The following ITGA9 variants were observed in gnomAD, a reference collection of about 807,000 sequenced individuals.
The protein encoded by ITGA9 is integrin alpha-9.
Under a neutral mutation model 127.8 loss-of-function variants are expected in ITGA9, and 56 were observed. That is an observed-to-expected ratio of 0.44 (90% CI 0.35 to 0.55). The LOEUF (loss-of-function observed/expected upper bound fraction) is 0.55. Among genes scored for constraint, ITGA9 ranks in the 20% least tolerant of loss-of-function variants. The pLI, the probability that ITGA9 is intolerant of heterozygous loss-of-function variation, is 0.00. For missense variants in ITGA9, 1,196 were observed against 1,347.1 expected (o/e 0.89, Z 1.76); for synonymous variants, 508 against 514.5 (o/e 0.99, Z 0.17).
chr3:37,635,382 T>C (rs1276228519), intron 16 of ITGA9, among the ~76,000 whole-genome samples: 2 of 152,126 alleles, frequency 1.3e-5, no homozygotes, highest in African/African-American at 4.8e-5. Flanking sequence ...ATAAGATAAG[T>C]TTTCTTAATA....
chr3:37,684,329 C>T (rs1401360829), intron 18 of ITGA9, among the ~76,000 whole-genome samples: 1 of 152,166 alleles, frequency 6.6e-6, no homozygotes, highest in African/African-American at 2.4e-5. Flanking sequence ...GTTGCTGTCT[C>T]CAGCACACAC....
intron 4 of ITGA9, among the ~76,000 whole-genome samples, chr3:37,481,826 C>T (rs912033787): frequency 6.6e-6 from 1 of 152,212 alleles, no homozygotes; most frequent in African/African-American, 2.4e-5. Context: ...TTCCAACCCT[C>T]ACCTGACTTG....
intron 15 of ITGA9, among the ~76,000 whole-genome samples, chr3:37,579,271 T>C (rs1699680953): frequency 6.6e-6 from 1 of 152,228 alleles, no homozygotes; most frequent in Non-Finnish European, 1.5e-5. Flanking sequence ...TAATTCAGCA[T>C]TGGTATGGTG....
chr3:37,652,449 C>G (rs952128428), intron 16 of ITGA9, among the ~76,000 whole-genome samples: 1 of 152,136 alleles, frequency 6.6e-6, no homozygotes, highest in African/African-American at 2.4e-5. Flanking sequence ...CTCTTTTTTC[C>G]CAAGACTTCC....
At chr3:37,771,973 T>C (rs368076613) in intron 23 of ITGA9, among the ~76,000 whole-genome samples, 3 of 151,928 alleles carry the variant, frequency 2.0e-5, no homozygotes, top group African/African-American at 7.3e-5. Flanking sequence ...ACCTAAGAGG[T>C]AGTGCAGGAA....
At chr3:37,518,334 G>A (rs1699008507) in intron 10 of ITGA9, among the ~76,000 whole-genome samples, 1 of 152,210 alleles carries the variant, frequency 6.6e-6, no homozygotes, top group South Asian at 2.1e-4. Context: ...CCATCCAGAC[G>A]TCTTTGATAC....
intron 4 of ITGA9, among the ~76,000 whole-genome samples, chr3:37,486,923 T>A (rs1698615708): frequency 6.6e-6 from 1 of 152,228 alleles, no homozygotes; most frequent in Admixed American, 6.5e-5. Flanking sequence ...AGTGTGTGTT[T>A]GCATTTCCTA....
At chr3:37,642,286 G>T (rs1700341246) in intron 16 of ITGA9, among the ~76,000 whole-genome samples, 1 of 152,112 alleles carries the variant, frequency 6.6e-6, no homozygotes, top group African/African-American at 2.4e-5. Flanking sequence ...CTAACAGAAC[G>T]TGTTATTTCG....
At chr3:37,617,634 C>A (rs1004353023) in intron 15 of ITGA9, among the ~76,000 whole-genome samples, 1 of 152,122 alleles carries the variant, frequency 6.6e-6, no homozygotes, top group Non-Finnish European at 1.5e-5. Context: ...TCACATAGTC[C>A]CATATTTCTT....
chr3:37,564,490 C>T (rs1285705832), intron 15 of ITGA9, among the ~76,000 whole-genome samples: 1 of 152,148 alleles, frequency 6.6e-6, no homozygotes, highest in Admixed American at 6.5e-5. Flanking sequence ...TTTCTGAAAG[C>T]CCATATCTCA....
intron 18 of ITGA9, among the ~76,000 whole-genome samples, chr3:37,721,008 G>A (rs372388316): frequency 6.6e-6 from 1 of 151,514 alleles, no homozygotes; most frequent in Non-Finnish European, 1.5e-5. Context: ...AGACCTCGCC[G>A]TCTCCATTTG....
At chr3:37,562,004 G>A (rs778530480) in intron 15 of ITGA9, among the ~76,000 whole-genome samples, 30 of 152,196 alleles carry the variant, frequency 2.0e-4, no homozygotes, top group Non-Finnish European at 3.4e-4. Context: ...TAGAATGCCT[G>A]GGAAATGCAA....
chr3:37,770,410 G>A (rs908639095), intron 23 of ITGA9, among the ~76,000 whole-genome samples: 6 of 152,146 alleles, frequency 3.9e-5, no homozygotes, highest in African/African-American at 1.4e-4. Flanking sequence ...CACAGGGACT[G>A]TGTTTGGCTG....
intron 15 of ITGA9, among the ~76,000 whole-genome samples, chr3:37,566,606 A>G (rs933713440): frequency 2.6e-5 from 4 of 152,228 alleles, no homozygotes; most frequent in African/African-American, 9.7e-5. Flanking sequence ...CAGGTGGGAT[A>G]AGTGCTGGGG....
intron 25 of ITGA9, among the ~76,000 whole-genome samples, chr3:37,783,378 G>C (rs1267997829): frequency 6.6e-6 from 1 of 152,040 alleles, no homozygotes; most frequent in Admixed American, 6.6e-5. Context: ...ATCTTGCTCT[G>C]TCACCCAGAT....
At chr3:37,795,122 CT>C (rs1292633177) in intron 26 of ITGA9, among the ~76,000 whole-genome samples, 12 of 152,088 alleles carry the variant, frequency 7.9e-5, no homozygotes. Flanking sequence ...AAATTCCTTC[CT>C]TCTATTGAGA....
Position 37,737,118 on chromosome 3 carries a change from A to G in ITGA9, c.2234+135A>G, listed in dbSNP as rs1396792389. On this transcript the variant is annotated intron_variant, in intron 20 of 27. Transcript: ENST00000264741. ...ATGGTTACTCAGTGATAAAGCCTTG[A>G]GCCGCAAAGTGGAATTGGATTTCTT... 22 of 721,224 alleles carry G rather than the reference A, an allele frequency of 3.1e-5. No homozygotes were observed. In the East Asian group the frequency reaches 5.9e-4, roughly 19 times the overall value. The allele number at this position is 721,224 out of a possible 1,614,324, so 44.7% of individuals were successfully genotyped here. A position where few individuals can be genotyped will look rare whatever the true frequency, so the allele number is the denominator to read the frequency against.
At chr3:37,724,511 T>C (rs1314696736) in intron 18 of ITGA9, among the ~76,000 whole-genome samples, 1 of 152,196 alleles carries the variant, frequency 6.6e-6, no homozygotes, top group Non-Finnish European at 1.5e-5. Context: ...TCCTTTTTTT[T>C]TGAGACAGAG....
At chr3:37,708,873 G>T (rs1300614800) in intron 18 of ITGA9, among the ~76,000 whole-genome samples, 1 of 152,144 alleles carries the variant, frequency 6.6e-6, no homozygotes, top group Admixed American at 6.5e-5. Context: ...AGCCACTTCA[G>T]CATGATGGCG....
Sources: gnomAD v4.1 joint callset for allele counts (sites outside exome capture counted in the v4.1 genomes callset) on GRCh38, gnomAD v4.1.1 for gene constraint, MANE v1.5 for transcripts, NCBI Gene and HGNC (gene_info 2026-07-23, HGNC 2026-07-21) for gene names.